MGMT: variants seen among roughly 807,000 people sequenced by gnomAD.
MGMT encodes O-6-methylguanine-DNA methyltransferase.
In MGMT, 14 loss-of-function variants were observed where a neutral mutation model predicts 15.9. The ratio of observed to expected loss-of-function variants is 0.88; its 90% confidence interval spans 0.58 to 1.37. The LOEUF is 1.37. Ranked by LOEUF, MGMT falls within the 40% of genes most tolerant of loss-of-function variation. The pLI is 0.00. For missense variants in MGMT, 282 were observed against 268.1 expected, an observed-to-expected ratio of 1.05 and a Z score of -0.36; for synonymous variants, 130 against 118.2, an observed-to-expected ratio of 1.10 and a Z score of -0.65.
At chr10:129,753,093 G>T (rs187717561) in intron 3 of MGMT, among the ~76,000 whole-genome samples, 1 of 152,192 alleles carries the variant, frequency 6.6e-6, no homozygotes, top group East Asian at 1.9e-4. Context: ...CTTAAACATC[G>T]GATATAGAAT....
At chr10:129,621,393 A>G (rs1847088853) in intron 2 of MGMT, among the ~76,000 whole-genome samples, 2 of 152,238 alleles carry the variant, frequency 1.3e-5, no homozygotes, top group African/African-American at 2.4e-5. Context: ...TCATTTGTCG[A>G]GAAATAATCA....
intron 2 of MGMT, among the ~76,000 whole-genome samples, chr10:129,631,974 C>T (rs7080171): frequency 0.083 from 12,579 of 152,264 alleles, 591 homozygotes; most frequent in African/African-American, 0.12. Flanking sequence ...TGGGCTGTAG[C>T]AGTCCTCCCA....
At position 129,560,156 on chromosome 10, in the gene MGMT, A is replaced by G. The variant is rs181865716; in HGVS notation, c.125+23779A>G. ...GATGGGAGAGCACGGGGCGTTCTTG[A>G]CCAATACCAGTGAACCTTGCAATGC... is the stretch of plus-strand genomic sequence containing the variant. On this transcript the variant is annotated intron_variant, in intron 2 of 4. Transcript: ENST00000651593. Among the ~76,000 whole-genome samples, 10 of 152,336 alleles carry G rather than the reference A, an allele frequency of 6.6e-5. No individual in the cohort carries two copies. The East Asian group carries it at 1.9e-3, about 29-fold the overall frequency.
At chr10:129,753,750 G>T (rs895794503) in intron 3 of MGMT, among the ~76,000 whole-genome samples, 3 of 152,010 alleles carry the variant, frequency 2.0e-5, no homozygotes, top group Non-Finnish European at 4.4e-5. Context: ...TAAACTTTTT[G>T]TCAGATGATT....
At chr10:129,616,629 C>T (rs1280456709) in intron 2 of MGMT, among the ~76,000 whole-genome samples, 1 of 152,186 alleles carries the variant, frequency 6.6e-6, no homozygotes, top group Non-Finnish European at 1.5e-5. Flanking sequence ...CCTCCTTAAC[C>T]AGGTAACACT....
intron 2 of MGMT, among the ~76,000 whole-genome samples, chr10:129,572,941 G>A (rs1846437174): frequency 6.6e-6 from 1 of 152,110 alleles, no homozygotes; most frequent in African/African-American, 2.4e-5. Context: ...GGAGTGATTT[G>A]AAGCAAAGTT....
chr10:129,755,744 G>A (rs971564333), intron 3 of MGMT, among the ~76,000 whole-genome samples: 2 of 152,264 alleles, frequency 1.3e-5, no homozygotes, highest in African/African-American at 4.8e-5. Flanking sequence ...TGTTGCCTGT[G>A]CTCTGAGCCT....
Position 129,726,436 on chromosome 10 carries a change from C to T in MGMT, c.274+18393C>T, listed in dbSNP as rs769446132. ...TGCCCGCCCATGGGTGTTGTGAGGACGCTCTCCAGCATCACTGCTGCCCAC... is the reference window on the plus strand; with the variant it reads ...TGCCCGCCCATGGGTGTTGTGAGGATGCTCTCCAGCATCACTGCTGCCCAC... On this transcript the variant is annotated intron_variant, in intron 3 of 4. Transcript: ENST00000651593. 2.2e-4 allele frequency among the ~76,000 whole-genome samples: 34 copies of T among 152,156 alleles called. 1 individual carries two copies. The highest frequency in any genetic ancestry group is 2.1e-4 in the South Asian group (1 of 4,826).
chr10:129,633,419 T>C (rs570280216), intron 2 of MGMT, among the ~76,000 whole-genome samples: 1 of 152,338 alleles, frequency 6.6e-6, no homozygotes, highest in East Asian at 1.9e-4. Context: ...GAGTTACAAC[T>C]GTGCCATGTG....
At chr10:129,748,442 CCTGA>C (rs1158813268) in intron 3 of MGMT, among the ~76,000 whole-genome samples, 1 of 152,058 alleles carries the variant, frequency 6.6e-6, no homozygotes, top group Non-Finnish European at 1.5e-5. Context: ...TGGAGTGTGT[CCTGA>C]CTTTCTGATA....
chr10:129,687,712 T>A (rs1342757200), intron 2 of MGMT, among the ~76,000 whole-genome samples: 2 of 152,058 alleles, frequency 1.3e-5, no homozygotes, highest in Non-Finnish European at 2.9e-5. Context: ...TTTTTTTTTT[T>A]TATACTTTAA....
chr10:129,645,265 G>T (rs779539745), intron 2 of MGMT, among the ~76,000 whole-genome samples: 1 of 151,902 alleles, frequency 6.6e-6, no homozygotes, highest in Non-Finnish European at 1.5e-5. Context: ...GTTTATAGGC[G>T]CCCACCACCA....
chr10:129,620,033 T>C (rs1847073401), intron 2 of MGMT, among the ~76,000 whole-genome samples: 2 of 152,252 alleles, frequency 1.3e-5, no homozygotes, highest in South Asian at 4.1e-4. Flanking sequence ...GGGTTAACTA[T>C]GTCAGCCTGA....
intron 3 of MGMT, among the ~76,000 whole-genome samples, chr10:129,757,779 C>T (rs1265395806): frequency 1.3e-5 from 2 of 152,216 alleles, no homozygotes; most frequent in African/African-American, 4.8e-5. Context: ...GCCGGTAATA[C>T]AACTGCATGT....
intron 3 of MGMT, among the ~76,000 whole-genome samples, chr10:129,740,504 A>C (rs925232090): frequency 6.6e-6 from 1 of 152,212 alleles, no homozygotes; most frequent in Non-Finnish European, 1.5e-5. Context: ...TAAAATCTGC[A>C]CTGTCCTTTC....
intron 1 of MGMT, among the ~76,000 whole-genome samples, chr10:129,534,399 A>G (rs1845964003): frequency 6.6e-6 from 1 of 152,056 alleles, no homozygotes; most frequent in African/African-American, 2.4e-5. Flanking sequence ...GGGTGATCGA[A>G]TGGGATCCGG....
intron 1 of MGMT, among the ~76,000 whole-genome samples, chr10:129,529,810 AG>A (rs1845910610): frequency 6.9e-6 from 1 of 145,550 alleles, no homozygotes; most frequent in South Asian, 2.3e-4. Context: ...GTGTAACATT[AG>A]CTTTTTTTTG....
rs1000860642 is a variant in MGMT at position 129,514,324 on chromosome 10, A to G, written c.-12-21917A>G. Among the ~76,000 whole-genome samples, 18 of 152,358 alleles carry G rather than the reference A, an allele frequency of 1.2e-4. No individual in the cohort carries two copies. In the East Asian group the frequency reaches 2.1e-3, roughly 18 times the overall value. On this transcript the variant is annotated intron_variant, in intron 1 of 4. Coordinates refer to ENST00000651593, the MANE Select transcript of MGMT (RefSeq NM_002412.5). ...TAATAATTCCTATTTCCAAGGAAGA[A>G]CAATGCACAATACTTTGTCATTGTG...
At chr10:129,550,008 C>G (rs1186058581) in intron 2 of MGMT, among the ~76,000 whole-genome samples, 1 of 152,100 alleles carries the variant, frequency 6.6e-6, no homozygotes, top group Non-Finnish European at 1.5e-5. Flanking sequence ...CCACTCAGGA[C>G]AGTAAAATCA....
Sources: allele counts gnomAD v4.1 joint callset (sites outside exome capture counted in the v4.1 genomes callset), GRCh38; gene constraint gnomAD v4.1.1; transcripts MANE v1.5; gene names NCBI Gene and HGNC (gene_info 2026-07-23, HGNC 2026-07-21).